The following MGAT4C variants were observed in gnomAD, a reference collection of about 807,000 sequenced individuals.
MGAT4C encodes MGAT4 family member C.
A neutral mutation model predicts 40.1 loss-of-function variants in MGAT4C; 19 were observed. The ratio of observed to expected loss-of-function variants is 0.47; its 90% CI spans 0.33 to 0.70. The LOEUF is 0.70. Among genes scored for constraint, MGAT4C ranks in the 30% least tolerant of loss-of-function variants. The probability of loss-of-function intolerance (pLI) is 0.02; values close to 1 mark genes in which losing one functional copy is unlikely to be tolerated. For missense variants in MGAT4C, 491 were observed against 563.2 expected (o/e 0.87, Z 1.30); for synonymous variants, 181 against 187.1 (o/e 0.97, Z 0.27).
At chr12:86,464,578 G>A (rs991754095) in intron 2 of MGAT4C, among the ~76,000 whole-genome samples, 1 of 152,014 alleles carries the variant, frequency 6.6e-6, no homozygotes, top group African/African-American at 2.4e-5. Context: ...TGTTCTTAGA[G>A]CATATATTTA....
intron 3 of MGAT4C, among the ~76,000 whole-genome samples, chr12:86,346,133 T>C (rs1450835932): frequency 6.6e-6 from 1 of 152,226 alleles, no homozygotes; most frequent in Non-Finnish European, 1.5e-5. Flanking sequence ...TTTTAAATCC[T>C]GGTTTGCATT....
chr12:86,204,478 A>G (rs1950178797), intron 1 of MGAT4C, among the ~76,000 whole-genome samples: 1 of 152,128 alleles, frequency 6.6e-6, no homozygotes, highest in Non-Finnish European at 1.5e-5. Flanking sequence ...GAGGAGGAAA[A>G]ACATTGATAG....
intron 2 of MGAT4C, among the ~76,000 whole-genome samples, chr12:85,991,321 C>G (rs1333030208): frequency 6.6e-6 from 1 of 152,146 alleles, no homozygotes; most frequent in Non-Finnish European, 1.5e-5. Flanking sequence ...GAGGAGGAAG[C>G]GCATGCCAAC....
At chr12:85,980,840 G>A (rs1884507461) in intron 4 of MGAT4C, among the ~76,000 whole-genome samples, 1 of 151,926 alleles carries the variant, frequency 6.6e-6, no homozygotes, top group Non-Finnish European at 1.5e-5. Flanking sequence ...TTTCTCTTTT[G>A]CAAAAAGAGA....
chr12:86,181,600 T>C (rs1029512117), intron 1 of MGAT4C, among the ~76,000 whole-genome samples: 3 of 152,160 alleles, frequency 2.0e-5, no homozygotes, highest in Admixed American at 6.5e-5. Context: ...TTTTAACAAC[T>C]TATGTAAGCA....
At chr12:86,068,905 G>C (rs922015204) in intron 1 of MGAT4C, among the ~76,000 whole-genome samples, 1 of 152,100 alleles carries the variant, frequency 6.6e-6, no homozygotes, top group African/African-American at 2.4e-5. Flanking sequence ...CTTGCACTCT[G>C]TGAAGTCCCT....
intron 3 of MGAT4C, among the ~76,000 whole-genome samples, chr12:86,345,696 T>C (rs1955014359): frequency 6.6e-6 from 1 of 152,202 alleles, no homozygotes; most frequent in African/African-American, 2.4e-5. Context: ...CTATTGTGAA[T>C]AGTGCTGCAA....
chr12:86,674,406 A>G (rs998573329), intron 2 of MGAT4C, among the ~76,000 whole-genome samples: 4 of 152,172 alleles, frequency 2.6e-5, no homozygotes, highest in Non-Finnish European at 4.4e-5. Flanking sequence ...CAGTAAATCA[A>G]TACAGACTTT....
chr12:86,603,780 T>G (rs1325815073), intron 2 of MGAT4C, among the ~76,000 whole-genome samples: 2 of 33,200 alleles, frequency 6.0e-5, no homozygotes, highest in East Asian at 1.5e-3. Context: ...TTATATATAC[T>G]ATATAATATA....
intron 1 of MGAT4C, among the ~76,000 whole-genome samples, chr12:86,140,496 C>T (rs1324943140): frequency 2.0e-5 from 3 of 151,782 alleles, no homozygotes; most frequent in Non-Finnish European, 4.4e-5. Flanking sequence ...CATCACACAC[C>T]GGGGCCTGTC....
chr12:86,298,977 T>C (rs1300069890), intron 4 of MGAT4C, among the ~76,000 whole-genome samples: 1 of 152,168 alleles, frequency 6.6e-6, no homozygotes, highest in Admixed American at 6.5e-5. Flanking sequence ...TCATAACACA[T>C]AGTACTATTT....
At chr12:86,678,616 T>A (rs1312897896) in intron 2 of MGAT4C, among the ~76,000 whole-genome samples, 1 of 134,226 alleles carries the variant, frequency 7.5e-6, no homozygotes, top group Non-Finnish European at 1.6e-5. Flanking sequence ...AGTATGATGT[T>A]CCCCTTCCTG....
intron 3 of MGAT4C, among the ~76,000 whole-genome samples, chr12:86,401,404 T>A (rs1254205693): frequency 1.3e-5 from 2 of 151,952 alleles, no homozygotes; most frequent in African/African-American, 4.8e-5. Context: ...ACAGTACATA[T>A]AATTTTAACA....
chr12:86,724,827 C>CCAAAG (rs1950795665), intron 2 of MGAT4C, among the ~76,000 whole-genome samples: 1 of 152,122 alleles, frequency 6.6e-6, no homozygotes, highest in South Asian at 2.1e-4. Flanking sequence ...ATTACTGCAC[C>CCAAAG]CAAAGCAGGC....
At chr12:86,231,170 A>G (rs1951307874) in intron 1 of MGAT4C, among the ~76,000 whole-genome samples, 1 of 152,228 alleles carries the variant, frequency 6.6e-6, no homozygotes, top group Admixed American at 6.5e-5. Context: ...GAAACTTTCT[A>G]AAACATTCCC....
At chr12:86,604,401 T>G (rs913354553) in intron 2 of MGAT4C, among the ~76,000 whole-genome samples, 2 of 148,594 alleles carry the variant, frequency 1.3e-5, no homozygotes, top group Non-Finnish European at 3.0e-5. Flanking sequence ...AAGGGCTCAG[T>G]TTTTTTTTTA....
chr12:86,792,597 T>C (rs942459368), intron 1 of MGAT4C, among the ~76,000 whole-genome samples: 1 of 152,016 alleles, frequency 6.6e-6, no homozygotes, highest in Non-Finnish European at 1.5e-5. Context: ...ATTGAGTAAA[T>C]ATATGGACTC....
intron 1 of MGAT4C, among the ~76,000 whole-genome samples, chr12:86,094,199 G>C (rs1873446322): frequency 6.6e-6 from 1 of 152,064 alleles, no homozygotes; most frequent in Admixed American, 6.6e-5. Flanking sequence ...AAAACTAAGG[G>C]AGAGAAAATA....
chr12:86,813,827 T>A (rs1952526411), intron 1 of MGAT4C, among the ~76,000 whole-genome samples: 1 of 152,176 alleles, frequency 6.6e-6, no homozygotes, highest in Non-Finnish European at 1.5e-5. Context: ...TCCATTTATT[T>A]AAACATTCTA....
Sources: gnomAD v4.1 joint callset for allele counts (sites outside exome capture counted in the v4.1 genomes callset) on GRCh38, gnomAD v4.1.1 for gene constraint, MANE v1.5 for transcripts, NCBI Gene and HGNC (gene_info 2026-07-23, HGNC 2026-07-21) for gene names.